TAX1BP1: variants seen among roughly 807,000 people sequenced by gnomAD.
The protein encoded by TAX1BP1 is tax1-binding protein 1.
In TAX1BP1, 62 loss-of-function variants were observed where a neutral mutation model predicts 97.7. The ratio of observed to expected loss-of-function variants is 0.63; its 90% CI spans 0.52 to 0.78. The LOEUF (loss-of-function observed/expected upper bound fraction) is 0.78. TAX1BP1 is among the 30% of genes least tolerant of loss of function. The pLI is 0.00. For missense variants in TAX1BP1, 867 were observed against 916.1 expected (o/e 0.95, Z 0.69); for synonymous variants, 340 against 304.2 (o/e 1.12, Z -1.23).
rs1782617340 is a variant in TAX1BP1, at chr7:27,829,459, T to C, written c.*630T>C. On this transcript the variant is annotated 3_prime_UTR_variant, in exon 17 of 17. Coordinates refer to ENST00000396319, the MANE Select transcript of TAX1BP1 (RefSeq NM_006024.7). The stretch of plus-strand genomic sequence containing the variant: ...AATTTTAGAATAACCTGAATGATTA[T>C]TTTTAAACTATCTTGAAGTTGTATG... 6.6e-6 allele frequency: 1 copy of C among 152,156 alleles called. No homozygotes were observed. Among genetic ancestry groups the C allele is most frequent in the Non-Finnish European group, 1.5e-5 (1 of 68,020 alleles). The allele number at this position is 152,156 out of a possible 1,614,324, so 9.4% of individuals were successfully genotyped here.
In TAX1BP1 at chr7:27,789,015, T is replaced by A. The variant is rs141599337; in HGVS notation, c.1038+1412T>A. Among the ~76,000 whole-genome samples the A allele has an allele frequency of 2.0e-5, 3 of 152,034 alleles. No individual in the cohort carries two copies. The East Asian group carries it at 5.8e-4, about 29-fold the overall frequency. Reference sequence around the variant, plus strand: ...TATTTATATCTCTCTTCTCGCAATGTGAGAACTCTTGTTTCCCAAACATCA... The same window carrying A: ...TATTTATATCTCTCTTCTCGCAATGAGAGAACTCTTGTTTCCCAAACATCA... On this transcript the variant is annotated intron_variant, in intron 8 of 16. Transcript: ENST00000396319.
At chr7:27,757,758 C>G (rs1355384855) in intron 2 of TAX1BP1, among the ~76,000 whole-genome samples, 1 of 151,882 alleles carries the variant, frequency 6.6e-6, no homozygotes, top group Non-Finnish European at 1.5e-5. Context: ...TATATTTGAT[C>G]ATATGGATAG....
chr7:27,761,833 G>C (rs1383138999), intron 3 of TAX1BP1, among the ~76,000 whole-genome samples: 2 of 152,286 alleles, frequency 1.3e-5, no homozygotes, highest in Non-Finnish European at 2.9e-5. Flanking sequence ...TTTCATGTGA[G>C]TAAATACCAG....
intron 13 of TAX1BP1, among the ~76,000 whole-genome samples, chr7:27,814,201 A>G (rs143792861): frequency 6.6e-6 from 1 of 150,408 alleles, no homozygotes; most frequent in African/African-American, 2.5e-5. Flanking sequence ...CTACAGTAGC[A>G]TCTCTGGGGT....
intron 7 of TAX1BP1, among the ~76,000 whole-genome samples, chr7:27,786,959 A>T (rs1032087145): frequency 6.6e-6 from 1 of 152,220 alleles, no homozygotes; most frequent in African/African-American, 2.4e-5. Context: ...TTTTCAGCAC[A>T]TTGAAACTAA....
At chr7:27,771,624 A>AG (rs1036146584) in intron 5 of TAX1BP1, among the ~76,000 whole-genome samples, 24 of 152,162 alleles carry the variant, frequency 1.6e-4, no homozygotes, top group Middle Eastern at 3.4e-3. Context: ...GACTGAGGTC[A>AG]GGGGATTAAT....
chr7:27,810,059 C>T (rs189655641), intron 13 of TAX1BP1, among the ~76,000 whole-genome samples: 91 of 152,072 alleles, frequency 6.0e-4, no homozygotes, highest in African/African-American at 2.1e-3. Flanking sequence ...AGGTGTGTGC[C>T]ACCACGCCTG....
Position 27,758,025 on chromosome 7 carries a change from C to G in TAX1BP1, c.163-6C>G, listed in dbSNP as rs780308754. 1 of 1,598,310 alleles carries G rather than the reference C, an allele frequency of 6.3e-7. No individual in the cohort carries two copies. Among genetic ancestry groups the G allele is most frequent in the Non-Finnish European group, 8.5e-7 (1 of 1,171,892 alleles). On this transcript the variant is annotated splice_polypyrimidine_tract_variant and splice_region_variant and intron_variant, in intron 2 of 16. Coordinates refer to ENST00000396319, the MANE Select transcript of TAX1BP1 (RefSeq NM_006024.7). ...TAAATCCGCCTTTTTTGTTATTTCCCTTTAGGTTGGATGGAGTACTGCTCG... is the reference window on the plus strand; with the variant it reads ...TAAATCCGCCTTTTTTGTTATTTCCGTTTAGGTTGGATGGAGTACTGCTCG...
In TAX1BP1 at chr7:27,828,820, T is replaced by C; in HGVS notation, c.2361T>C (p.Asn787=). The C allele has an allele frequency of 6.2e-7, 1 of 1,611,214 alleles. No individual in the cohort carries two copies. The highest frequency in any genetic ancestry group is 8.5e-7 in the Non-Finnish European group (1 of 1,179,032). ...VQTHFDQNVL[N]FD is the part of the protein sequence containing the mutation. ...CCCATTTTGATCAGAATGTTCTAAA[T>C]TTTGACTAGTTACTTTTTATTATGA... The change falls in exon 17 of 17, where the codon AAT becomes AAC. Residue 787 remains asparagine (N), a synonymous_variant. Transcript: ENST00000396319.
At chr7:27,811,153 A>G (rs1017161605) in intron 13 of TAX1BP1, among the ~76,000 whole-genome samples, 7 of 152,200 alleles carry the variant, frequency 4.6e-5, no homozygotes, top group African/African-American at 1.7e-4. Flanking sequence ...ATGGTGTGCT[A>G]GGTATCTTGA....
At chr7:27,823,373 T>C (rs753539449) in intron 15 of TAX1BP1, among the ~76,000 whole-genome samples, 1 of 152,238 alleles carries the variant, frequency 6.6e-6, no homozygotes, top group African/African-American at 2.4e-5. Context: ...TGAACTAAAG[T>C]AATAATTATC....
chr7:27,798,228 GGTT>G (rs1411003313), intron 12 of TAX1BP1, among the ~76,000 whole-genome samples: 1 of 151,032 alleles, frequency 6.6e-6, no homozygotes, highest in East Asian at 1.9e-4. Flanking sequence ...GGGTAGTTGG[GGTT>G]GTTTTTCGGC....
At chr7:27,742,864 T>A (rs1038833574) in intron 1 of TAX1BP1, among the ~76,000 whole-genome samples, 2 of 152,206 alleles carry the variant, frequency 1.3e-5, no homozygotes, top group Non-Finnish European at 2.9e-5. Context: ...AAAAGTAAAA[T>A]TTTGGAATTC....
At chr7:27,757,530 T>C (rs1034694877) in intron 2 of TAX1BP1, among the ~76,000 whole-genome samples, 1 of 152,102 alleles carries the variant, frequency 6.6e-6, no homozygotes, top group Non-Finnish European at 1.5e-5. Flanking sequence ...TGAATTTTGA[T>C]ATATGTGAAA....
At chr7:27,796,294 G>A in intron 12 of TAX1BP1, 75 bp downstream of exon 12, 2 of 1,205,892 alleles carry the variant, frequency 1.7e-6, no homozygotes, top group Non-Finnish European at 2.3e-6. Context: ...TGTTTCAATT[G>A]ATTGGTATCT....
At chr7:27,744,732 T>TA (rs1287688048) in intron 1 of TAX1BP1, among the ~76,000 whole-genome samples, 1 of 152,184 alleles carries the variant, frequency 6.6e-6, no homozygotes, top group African/African-American at 2.4e-5. Flanking sequence ...TTGAAAAAGT[T>TA]ACAAGAGGAG....
At chr7:27,786,800 C>T (rs780684316) in intron 7 of TAX1BP1, among the ~76,000 whole-genome samples, 4 of 152,132 alleles carry the variant, frequency 2.6e-5, no homozygotes, top group Admixed American at 2.0e-4. Flanking sequence ...GTACTCTTAA[C>T]GAAAGCAGGA....
intron 8 of TAX1BP1, among the ~76,000 whole-genome samples, chr7:27,788,093 T>C (rs1334136567): frequency 6.6e-6 from 1 of 152,040 alleles, no homozygotes; most frequent in Non-Finnish European, 1.5e-5. Context: ...TAGAATAGTG[T>C]CCCTACACTT....
At chr7:27,807,001 T>C (rs1240146729) in intron 13 of TAX1BP1, among the ~76,000 whole-genome samples, 2 of 152,174 alleles carry the variant, frequency 1.3e-5, no homozygotes, top group Non-Finnish European at 2.9e-5. Context: ...AGTATTTTTG[T>C]TTTTCCTCTT....
Sources: allele counts gnomAD v4.1 joint callset (sites outside exome capture counted in the v4.1 genomes callset), GRCh38; gene constraint gnomAD v4.1.1; transcripts MANE v1.5; gene names NCBI Gene and HGNC (gene_info 2026-07-23, HGNC 2026-07-21).